ABCD3: variants seen among roughly 807,000 people sequenced by gnomAD.
ABCD3 encodes ATP binding cassette subfamily D member 3.
A neutral mutation model predicts 105.5 loss-of-function variants in ABCD3; 41 were observed. That is an observed-to-expected ratio of 0.39 (90% CI 0.30 to 0.50). The LOEUF (loss-of-function observed/expected upper bound fraction) is 0.50. ABCD3 is among the 20% of genes least tolerant of loss of function. ABCD3 has a pLI of 0.84. For missense variants in ABCD3, 622 were observed against 806.3 expected, an observed-to-expected ratio of 0.77 and a Z score of 2.77; for synonymous variants, 258 against 269.0, an observed-to-expected ratio of 0.96 and a Z score of 0.40.
At position 94,484,084 on chromosome 1, in the gene ABCD3, A is replaced by C. The variant is rs566740335; in HGVS notation, c.897+845A>C. On this transcript the variant is annotated intron_variant, in intron 10 of 22. Coordinates refer to ENST00000370214, the MANE Select transcript of ABCD3 (RefSeq NM_002858.4). ...TCAGAGAAATGCAAATCAAAACCAC[A>C]GTGAGACACTATCTCACACCAGTTA... is the stretch of plus-strand genomic sequence containing the variant. 3.9e-5 allele frequency among the ~76,000 whole-genome samples: 6 copies of C among 152,354 alleles called. No individual in the cohort carries two copies. In the South Asian group the frequency reaches 1.2e-3, roughly 32 times the overall value.
chr1:94,510,133 A>G (rs1650589126), intron 21 of ABCD3, among the ~76,000 whole-genome samples: 1 of 152,150 alleles, frequency 6.6e-6, no homozygotes, highest in Non-Finnish European at 1.5e-5. Flanking sequence ...ATTTAGTGCT[A>G]TAAATTTCCC....
At chr1:94,473,533 TATCA>T (rs1415633268) in intron 4 of ABCD3, among the ~76,000 whole-genome samples, 8 of 152,148 alleles carry the variant, frequency 5.3e-5, no homozygotes, top group Non-Finnish European at 7.4e-5. Flanking sequence ...AATAATTAGT[TATCA>T]TTCTGTTTAA....
intron 1 of ABCD3, among the ~76,000 whole-genome samples, chr1:94,450,016 A>C (rs1660515199): frequency 6.6e-6 from 1 of 152,240 alleles, no homozygotes; most frequent in Non-Finnish European, 1.5e-5. Context: ...GTCTTTGGAT[A>C]CTGCAAAATT....
chr1:94,388,204 A>G, the ABCD3 span, among the ~76,000 whole-genome samples: 2 of 152,372 alleles, frequency 1.3e-5, no homozygotes, highest in Non-Finnish European at 1.5e-5. Flanking sequence ...ATTCCCATGA[A>G]GGAATTCTTA....
chr1:94,475,827 TAAC>T (rs913192640), intron 7 of ABCD3, 90 bp downstream of exon 7: 144 of 996,962 alleles, frequency 1.4e-4, no homozygotes, highest in African/African-American at 9.8e-4. Context: ...TTTGTGGACA[TAAC>T]AGCAGCATGT....
intron 1 of ABCD3, chr1:94,419,232 T>A (rs1365591339): frequency 1.0e-6 from 1 of 969,276 alleles, no homozygotes; most frequent in Non-Finnish European, 1.2e-6. Flanking sequence ...CGGTGGCATT[T>A]CATCCGGAAA....
intron 9 of ABCD3, 71 bp from the exon 10 acceptor site, chr1:94,483,099 A>T: frequency 1.0e-6 from 1 of 984,166 alleles, no homozygotes; most frequent in Non-Finnish European, 1.6e-6. Flanking sequence ...CAGCCATCAT[A>T]TACTGTATTT....
chr1:94,505,262 C>G (rs999798886), intron 20 of ABCD3, among the ~76,000 whole-genome samples: 4 of 152,036 alleles, frequency 2.6e-5, no homozygotes, highest in African/African-American at 7.2e-5. Context: ...GTGCAGTGGC[C>G]TGATCATAGC....
rs1444596743 is a variant in ABCD3 at position 94,456,432 on chromosome 1, C to A, written c.111-2175C>A. Among the ~76,000 whole-genome samples the A allele has an allele frequency of 2.0e-5, 3 of 151,250 alleles. No individual in the cohort carries two copies. In the East Asian group the frequency reaches 5.8e-4, roughly 29 times the overall value. On this transcript the variant is annotated intron_variant, in intron 1 of 22. Transcript: ENST00000370214. ...CTGGGACTACAGGTGCATGCCTCCA[C>A]ACTGGACTATTTTTTTTTTTATTTT...
intron 21 of ABCD3, 103 bp downstream of exon 21, chr1:94,506,745 A>C (rs1570835312): frequency 1.1e-5 from 8 of 759,128 alleles, no homozygotes; most frequent in Non-Finnish European, 1.8e-5. Context: ...TAAGTAACAA[A>C]ATTTCTACCA....
intron 10 of ABCD3, 146 bp from the exon 11 acceptor site, chr1:94,487,396 C>CAATATAAACAG (rs1205564754): frequency 1.3e-6 from 1 of 784,528 alleles, no homozygotes; most frequent in Non-Finnish European, 2.1e-6. Context: ...GTGTGATGTA[C>CAATATAAACAG]AATATAAACA....
At chr1:94,488,017 T>A in intron 13 of ABCD3, 34 bp downstream of exon 13, 1 of 1,505,128 alleles carries the variant, frequency 6.6e-7, no homozygotes, top group Non-Finnish European at 9.2e-7. Flanking sequence ...TTGCAGAAAA[T>A]AATTTTTAAA....
intron 1 of ABCD3, chr1:94,418,865 A>G: frequency 2.0e-6 from 1 of 511,788 alleles, no homozygotes; most frequent in Non-Finnish European, 3.5e-6. Flanking sequence ...GCACTCAGGC[A>G]GCGGCCTCCA....
chr1:94,440,747 T>C (rs1399044278), intron 1 of ABCD3, among the ~76,000 whole-genome samples: 2 of 152,216 alleles, frequency 1.3e-5, no homozygotes, highest in Non-Finnish European at 2.9e-5. Flanking sequence ...TAGAAATACT[T>C]TGTCATCTAG....
chr1:94,450,752 G>A (rs190774090), intron 1 of ABCD3, among the ~76,000 whole-genome samples: 107 of 152,210 alleles, frequency 7.0e-4, no homozygotes, highest in East Asian at 1.5e-3. Flanking sequence ...CTCTAGTGCC[G>A]CTGGGTTAGG....
At chr1:94,398,388 CT>C in the ABCD3 span, among the ~76,000 whole-genome samples, 2 of 152,186 alleles carry the variant, frequency 1.3e-5, no homozygotes, top group African/African-American at 4.8e-5. Context: ...ATCAGAATCA[CT>C]AACCTGTCAG....
Position 94,480,493 on chromosome 1 carries a change from T to G in ABCD3, c.714T>G (p.Val238=), listed in dbSNP as rs764900563. The change falls in exon 9 of 23, where the codon GTT becomes GTG. Residue 238 remains valine (V), a synonymous_variant. Transcript: ENST00000370214. ...QGPASMMAYL[V]VSGLFLTRLR... ...CAGCGAGCATGATGGCCTACTTGGTTGTTTCTGGGCTATTCCTAACTCGAC... is the reference window on the plus strand; with the variant it reads ...CAGCGAGCATGATGGCCTACTTGGTGGTTTCTGGGCTATTCCTAACTCGAC... 1 of 1,613,882 alleles carries G rather than the reference T, an allele frequency of 6.2e-7. No individual in the cohort carries two copies. Among genetic ancestry groups the G allele is most frequent in the Non-Finnish European group, 8.5e-7 (1 of 1,179,866 alleles).
Position 94,418,525 on chromosome 1 carries a change from C to G in ABCD3, c.47C>G (p.Ala16Gly). 1.2e-6 allele frequency: 2 copies of G among 1,605,750 alleles called. No individual in the cohort carries two copies. Among genetic ancestry groups the G allele is most frequent in the South Asian group, 1.1e-5 (1 of 90,842 alleles). Residue 16 changes from alanine to glycine, a missense_variant, in exon 1 of 23, where the codon GCT becomes GGT. This residue lies in a region of ABCD3 where 89 missense variants were observed against 77.5 expected (regional missense o/e 1.15). Coordinates refer to ENST00000370214, the MANE Select transcript of ABCD3 (RefSeq NM_002858.4). ...TTGACGGCGCGAAACTCCTCGCTGG[C>G]TGGTGCCGCGTTCCTGCTGCTCTGC... ...KYLTARNSSL[A>G]GAAFLLLCLL...
chr1:94,501,666 A>G (rs1055050207), intron 20 of ABCD3, among the ~76,000 whole-genome samples: 2 of 152,172 alleles, frequency 1.3e-5, no homozygotes, highest in African/African-American at 4.8e-5. Flanking sequence ...AATTTGGGAT[A>G]TCTTGTGTTT....
Sources: allele counts gnomAD v4.1 joint callset (sites outside exome capture counted in the v4.1 genomes callset), GRCh38; gene constraint gnomAD v4.1.1; regional missense constraint gnomAD v4.1.1; transcripts MANE v1.5; gene names NCBI Gene and HGNC (gene_info 2026-07-23, HGNC 2026-07-21).